Variants in CSRNP3 observed in about 807,000 individuals in gnomAD.
The protein encoded by CSRNP3 is cysteine/serine-rich nuclear protein 3.
Under a neutral mutation model 48.0 loss-of-function variants are expected in CSRNP3, and 12 were observed. That is an observed-to-expected ratio of 0.25 (90% CI 0.16 to 0.41). The LOEUF (loss-of-function observed/expected upper bound fraction) is 0.41. CSRNP3 is among the 10% of genes least tolerant of loss of function. CSRNP3 has a pLI of 1.00. For missense variants in CSRNP3, 580 were observed against 724.4 expected (o/e 0.80, Z 2.29); for synonymous variants, 263 against 269.7 (o/e 0.98, Z 0.24).
At chr2:165,491,950 T>TAAAAAAAAA (rs560385044) in intron 1 of CSRNP3, among the ~76,000 whole-genome samples, 8 of 104,586 alleles carry the variant, frequency 7.6e-5, no homozygotes, top group East Asian at 2.6e-4. Flanking sequence ...TAAAGTATAA[T>TAAAAAAAAA]AAAAAAAAAA....
rs1268442784 is a variant in CSRNP3, at chr2:165,544,959, G to A, written c.-24+26998G>A. Among the ~76,000 whole-genome samples, 5 of 152,178 alleles carry A rather than the reference G, an allele frequency of 3.3e-5. No individual in the cohort carries two copies. The East Asian group carries it at 9.7e-4, about 30-fold the overall frequency. On this transcript the variant is annotated intron_variant, in intron 3 of 6. Transcript: ENST00000651982. ...GAAGAAAAGGAGAACCAGCAAAAGA[G>A]AAAGAGAAGGACCAATCAGTGAAGT...
chr2:165,510,572 G>T (rs1351322930), intron 2 of CSRNP3, among the ~76,000 whole-genome samples: 1 of 151,860 alleles, frequency 6.6e-6, no homozygotes, highest in Non-Finnish European at 1.5e-5. Context: ...CCTCTTTCCT[G>T]GTCCTAAAAT....
chr2:165,658,048 G>A (rs1281970806), intron 5 of CSRNP3, 28 bp downstream of exon 5: 10 of 1,598,450 alleles, frequency 6.3e-6, no homozygotes, highest in Non-Finnish European at 8.5e-6. Context: ...TTTCTGCAAA[G>A]TCTCATATCC....
chr2:165,577,146 G>GA (rs935574756), intron 3 of CSRNP3, among the ~76,000 whole-genome samples: 2,329 of 131,648 alleles, frequency 0.018, 50 homozygotes, highest in African/African-American at 0.055. Context: ...CTATGAAATA[G>GA]AAAAAAAAAA....
At chr2:165,672,952 G>A (rs1687354772) in intron 5 of CSRNP3, among the ~76,000 whole-genome samples, 1 of 152,046 alleles carries the variant, frequency 6.6e-6, no homozygotes, top group South Asian at 2.1e-4. Context: ...AGGAGGAGAG[G>A]ATAGGCCAGT....
chr2:165,660,191 C>A (rs961282488), intron 5 of CSRNP3, among the ~76,000 whole-genome samples: 1 of 152,146 alleles, frequency 6.6e-6, no homozygotes, highest in Non-Finnish European at 1.5e-5. Context: ...TCTCCAAATT[C>A]AAGTATTGAT....
intron 4 of CSRNP3, among the ~76,000 whole-genome samples, chr2:165,656,156 G>A (rs1016898393): frequency 2.6e-5 from 4 of 152,142 alleles, no homozygotes; most frequent in South Asian, 4.1e-4. Context: ...ATTTGGCAGC[G>A]AATTAGGAGC....
intron 5 of CSRNP3, among the ~76,000 whole-genome samples, chr2:165,660,321 T>G (rs1402215855): frequency 1.3e-5 from 2 of 152,236 alleles, no homozygotes; most frequent in Non-Finnish European, 2.9e-5. Context: ...AGAACATGTT[T>G]ACAACTGAGA....
intron 2 of CSRNP3, among the ~76,000 whole-genome samples, chr2:165,510,975 A>T (rs1684493246): frequency 6.6e-6 from 1 of 152,208 alleles, no homozygotes; most frequent in Admixed American, 6.5e-5. Context: ...GGAAGAAATC[A>T]GGCAAAGGAG....
intron 3 of CSRNP3, among the ~76,000 whole-genome samples, chr2:165,538,250 C>T (rs1684906932): frequency 6.6e-6 from 1 of 151,854 alleles, no homozygotes; most frequent in Admixed American, 6.6e-5. Context: ...TGTATAATTC[C>T]TTTTATTATT....
chr2:165,519,124 T>C (rs1448156079), intron 3 of CSRNP3, among the ~76,000 whole-genome samples: 1 of 152,096 alleles, frequency 6.6e-6, no homozygotes, highest in Non-Finnish European at 1.5e-5. Context: ...CCAAATGATT[T>C]TTTTATTAAA....
chr2:165,600,361 C>A (rs1573909097), intron 4 of CSRNP3, among the ~76,000 whole-genome samples: 1 of 151,464 alleles, frequency 6.6e-6, no homozygotes, highest in Admixed American at 6.6e-5. Context: ...GGTTCCAAGT[C>A]TTTGCTATTG....
At chr2:165,599,690 T>G (rs1004264458) in intron 4 of CSRNP3, among the ~76,000 whole-genome samples, 1 of 152,222 alleles carries the variant, frequency 6.6e-6, no homozygotes, top group Non-Finnish European at 1.5e-5. Flanking sequence ...AAAATTGATA[T>G]ACAAATTTTT....
At position 165,680,007 on chromosome 2, in the gene CSRNP3, G is replaced by A. The variant is rs1482317568; in HGVS notation, c.*254G>A. ...TAAATTTTAAAATGCATATCTCACA[G>A]TTGCCTACCTGTCAAACTGTGTGAA... On this transcript the variant is annotated 3_prime_UTR_variant, in exon 7 of 7. Transcript: ENST00000651982. The A allele has an allele frequency of 2.1e-6, 1 of 470,726 alleles. No individual in the cohort carries two copies. The highest frequency in any genetic ancestry group is 3.7e-6 in the Non-Finnish European group (1 of 270,492). The allele number at this position is 470,726 out of a possible 1,614,324, so 29.2% of individuals were successfully genotyped here. A position where few individuals can be genotyped will look rare whatever the true frequency, so the allele number is the denominator to read the frequency against.
At chr2:165,629,039 A>G (rs1686487662) in intron 4 of CSRNP3, among the ~76,000 whole-genome samples, 1 of 152,222 alleles carries the variant, frequency 6.6e-6, no homozygotes, top group Admixed American at 6.5e-5. Flanking sequence ...AAATCTGTGG[A>G]AGAAAAATTG....
At chr2:165,522,155 A>G (rs1185958569) in intron 3 of CSRNP3, among the ~76,000 whole-genome samples, 1 of 151,952 alleles carries the variant, frequency 6.6e-6, no homozygotes, top group Non-Finnish European at 1.5e-5. Flanking sequence ...AGCTGGGTGC[A>G]GTGGTGTGTG....
At chr2:165,605,748 G>T (rs1685999686) in intron 4 of CSRNP3, among the ~76,000 whole-genome samples, 1 of 152,046 alleles carries the variant, frequency 6.6e-6, no homozygotes, top group South Asian at 2.1e-4. Flanking sequence ...AAGAGCCAGA[G>T]AATATGGCCA....
chr2:165,486,315 T>G (rs897777212), intron 1 of CSRNP3, among the ~76,000 whole-genome samples: 9 of 152,122 alleles, frequency 5.9e-5, no homozygotes, highest in Admixed American at 5.2e-4. Flanking sequence ...ATCTCGCTGA[T>G]TGCTAGCACA....
At chr2:165,505,325 G>A (rs1684411951) in intron 2 of CSRNP3, among the ~76,000 whole-genome samples, 1 of 152,058 alleles carries the variant, frequency 6.6e-6, no homozygotes, top group African/African-American at 2.4e-5. Flanking sequence ...GCTTGAAGTG[G>A]AAGAAGAAAA....
Sources: allele counts gnomAD v4.1 joint callset (sites outside exome capture counted in the v4.1 genomes callset), GRCh38; gene constraint gnomAD v4.1.1; transcripts MANE v1.5; gene names NCBI Gene and HGNC (gene_info 2026-07-23, HGNC 2026-07-21).